The following PTPN4 variants were observed in gnomAD, a reference collection of about 807,000 sequenced individuals.
The protein encoded by PTPN4 is tyrosine-protein phosphatase non-receptor type 4.
In PTPN4, 49 loss-of-function variants were observed where a neutral mutation model predicts 135.5. The observed-to-expected ratio is 0.36, with a 90% CI of 0.29 to 0.46. The LOEUF (loss-of-function observed/expected upper bound fraction) is 0.46, where lower values mean the gene tolerates loss of function less well. Ranked by LOEUF, PTPN4 falls within the 20% of genes least tolerant of loss-of-function variation. The probability of loss-of-function intolerance (pLI) is 1.00; values close to 1 mark genes in which losing one functional copy is unlikely to be tolerated. For synonymous variants in PTPN4, 333 were observed against 369.9 expected, an observed-to-expected ratio of 0.90 and a Z score of 1.14; for missense variants, 860 against 1,101.0, an observed-to-expected ratio of 0.78 and a Z score of 3.10.
At chr2:119,804,991 T>C (rs1467788992) in intron 1 of PTPN4, among the ~76,000 whole-genome samples, 2 of 151,562 alleles carry the variant, frequency 1.3e-5, no homozygotes, top group Non-Finnish European at 2.9e-5. Flanking sequence ...TGAGATGGTA[T>C]CTCATTGTGG....
intron 11 of PTPN4, among the ~76,000 whole-genome samples, chr2:119,917,014 G>A (rs1349955384): frequency 4.6e-5 from 7 of 152,080 alleles, no homozygotes; most frequent in Non-Finnish European, 4.4e-5. Context: ...ATATAATATT[G>A]TTATCTGGAA....
intron 9 of PTPN4, among the ~76,000 whole-genome samples, chr2:119,897,968 G>A (rs1365422404): frequency 6.6e-6 from 1 of 152,304 alleles, no homozygotes; most frequent in East Asian, 1.9e-4. Context: ...ACTGTAGTTG[G>A]TCCGTGAAGA....
intron 1 of PTPN4, among the ~76,000 whole-genome samples, chr2:119,782,499 A>G (rs879559314): frequency 1.3e-5 from 2 of 152,150 alleles, no homozygotes; most frequent in Admixed American, 1.3e-4. Context: ...CATGGTTCCT[A>G]TATAGGACAG....
At position 119,934,884 on chromosome 2, in the gene PTPN4, C is replaced by G. The variant is rs1033983986; in HGVS notation, c.1281C>G (p.Ser427=). The change falls in exon 15 of 27, where the codon TCC becomes TCG. Residue 427 remains serine, a synonymous_variant. Transcript: ENST00000263708. ...TGGTAGACCATATGGTTCATACTTC[C>G]CCAAGCGAAGTGTTTGTAAATCAGA... ...GHLVDHMVHT[S]PSEVFVNQRS... is the part of the protein sequence containing the mutation. The G allele has an allele frequency of 6.2e-7, 1 of 1,613,314 alleles. No homozygotes were observed. The highest frequency in any genetic ancestry group is 1.7e-5 in the Admixed American group (1 of 60,004).
chr2:119,900,675 C>A, intron 9 of PTPN4, 43 bp from the exon 10 acceptor site: 1 of 1,188,974 alleles, frequency 8.4e-7, no homozygotes, highest in South Asian at 1.6e-5. Context: ...TAACAAAGCC[C>A]ATAAATTTAG....
chr2:119,837,846 A>G (rs1677319143), intron 2 of PTPN4, among the ~76,000 whole-genome samples: 1 of 152,198 alleles, frequency 6.6e-6, no homozygotes, highest in Non-Finnish European at 1.5e-5. Context: ...CGTGTGTTAC[A>G]TCTGGTCCAG....
At chr2:119,844,393 G>A (rs1296348814) in intron 2 of PTPN4, among the ~76,000 whole-genome samples, 17 of 149,336 alleles carry the variant, frequency 1.1e-4, no homozygotes, top group Middle Eastern at 3.5e-3. Flanking sequence ...GCTGCCGGGC[G>A]GAGACACTCC....
intron 1 of PTPN4, among the ~76,000 whole-genome samples, chr2:119,796,201 G>A (rs1291476757): frequency 6.6e-6 from 1 of 152,200 alleles, no homozygotes; most frequent in African/African-American, 2.4e-5. Context: ...TGCAGCTGGC[G>A]TGATGGCAGT....
rs1679638523 is a variant in PTPN4 at position 119,977,727 on chromosome 2, T to C, written c.*657T>C. 6.6e-6 allele frequency: 1 copy of C among 152,194 alleles called. No individual in the cohort carries two copies. The highest frequency in any genetic ancestry group is 6.5e-5 in the Admixed American group (1 of 15,286). 9.4% of individuals were successfully genotyped at this position (152,194 alleles called of 1,614,324 possible). A position where few individuals can be genotyped will look rare whatever the true frequency, so the allele number is the denominator to read the frequency against. On this transcript the variant is annotated 3_prime_UTR_variant, in exon 27 of 27. Transcript: ENST00000263708. Reference sequence around the variant, plus strand: ...CTACAAATTCTCTTGGATTTAATAATGTAACTTATATTTATCATAAGGTTG... The same window carrying C: ...CTACAAATTCTCTTGGATTTAATAACGTAACTTATATTTATCATAAGGTTG...
At chr2:119,955,878 A>C (rs1679273891) in intron 20 of PTPN4, among the ~76,000 whole-genome samples, 1 of 152,108 alleles carries the variant, frequency 6.6e-6, no homozygotes. Context: ...CAGAGCTTGC[A>C]GTGAGCTGAG....
At chr2:119,944,007 CT>C (rs932853681) in intron 15 of PTPN4, among the ~76,000 whole-genome samples, 6 of 151,142 alleles carry the variant, frequency 4.0e-5, no homozygotes, top group South Asian at 2.1e-4. Context: ...GGAAGAAGAA[CT>C]TTTTTTTTAA....
At chr2:119,902,774 A>T (rs1558759606) in intron 10 of PTPN4, among the ~76,000 whole-genome samples, 1 of 152,188 alleles carries the variant, frequency 6.6e-6, no homozygotes. Context: ...TGCACCAAAG[A>T]TTACTGCAGT....
At chr2:119,815,063 C>T (rs756980124) in intron 2 of PTPN4, among the ~76,000 whole-genome samples, 17 of 152,232 alleles carry the variant, frequency 1.1e-4, no homozygotes, top group Non-Finnish European at 1.2e-4. Flanking sequence ...GCTGTGGTTT[C>T]ATCAGGCATA....
At chr2:119,830,395 A>C (rs1043678233) in intron 2 of PTPN4, among the ~76,000 whole-genome samples, 1 of 152,020 alleles carries the variant, frequency 6.6e-6, no homozygotes, top group African/African-American at 2.4e-5. Context: ...TTTCTCATGA[A>C]TGGCTTAGCA....
At chr2:119,784,082 T>A (rs1225399651) in intron 1 of PTPN4, among the ~76,000 whole-genome samples, 1 of 152,088 alleles carries the variant, frequency 6.6e-6, no homozygotes, top group Non-Finnish European at 1.5e-5. Flanking sequence ...AGAAGCTGGG[T>A]TCTGAAGGGA....
chr2:119,922,065 C>G (rs1678744690), intron 12 of PTPN4, among the ~76,000 whole-genome samples: 1 of 152,058 alleles, frequency 6.6e-6, no homozygotes, highest in African/African-American at 2.4e-5. Context: ...GGAAGTTACC[C>G]AAACCATACC....
intron 1 of PTPN4, among the ~76,000 whole-genome samples, chr2:119,780,097 A>C (rs549184798): frequency 8.6e-4 from 131 of 152,262 alleles, no homozygotes; most frequent in African/African-American, 2.8e-3. Context: ...TTTGAATAAT[A>C]TCATGCCTAT....
In PTPN4 at chr2:119,827,130, A is replaced by G. The variant is rs894917638; in HGVS notation, c.138+17139A>G. Among the ~76,000 whole-genome samples the G allele has an allele frequency of 1.8e-4, 27 of 152,332 alleles. 1 individual carries two copies. In the East Asian group the frequency reaches 4.4e-3, roughly 25 times the overall value. On this transcript the variant is annotated intron_variant, in intron 2 of 26. Transcript: ENST00000263708. ...TTGTTTTGTCTGTAGCCGTACCCCTATACATACACATTTGCTTCCTAAGTT... is the reference window on the plus strand; with the variant it reads ...TTGTTTTGTCTGTAGCCGTACCCCTGTACATACACATTTGCTTCCTAAGTT...
At chr2:119,828,518 T>C (rs557597180) in intron 2 of PTPN4, among the ~76,000 whole-genome samples, 11 of 152,334 alleles carry the variant, frequency 7.2e-5, no homozygotes, top group African/African-American at 2.4e-4. Context: ...CTCTAAACAG[T>C]CTTACAATAC....
Sources: gnomAD v4.1 joint callset for allele counts (sites outside exome capture counted in the v4.1 genomes callset) on GRCh38, gnomAD v4.1.1 for gene constraint, MANE v1.5 for transcripts, NCBI Gene and HGNC (gene_info 2026-07-23, HGNC 2026-07-21) for gene names.